The following FLI1 variants were observed in gnomAD, a reference collection of about 807,000 sequenced individuals.
The protein encoded by FLI1 is Fli-1 proto-oncogene, ETS transcription factor.
FLI1 carries 13 observed loss-of-function variants against 53.1 expected under a neutral mutation model. That is an observed-to-expected ratio of 0.24 (90% CI 0.16 to 0.39). FLI1 has a LOEUF of 0.39. Among genes scored for constraint, FLI1 ranks in the 10% least tolerant of loss-of-function variants. The probability of loss-of-function intolerance (pLI) is 1.00; values close to 1 mark genes in which losing one functional copy is unlikely to be tolerated. For missense variants in FLI1, 424 were observed against 600.5 expected (o/e 0.71, Z 3.07); for synonymous variants, 244 against 236.7 (o/e 1.03, Z -0.28).
rs375470006 is a variant in FLI1, at chr11:128,759,590, T to C, written c.230+1264T>C. Among the ~76,000 whole-genome samples the C allele has an allele frequency of 4.3e-4, 66 of 152,216 alleles. 2 individuals are homozygous for C. The South Asian group carries it at 0.014, about 31-fold the overall frequency. On this transcript the variant is annotated intron_variant, in intron 2 of 8. Coordinates refer to ENST00000527786, the MANE Select transcript of FLI1 (RefSeq NM_002017.5). ...ATTAACAGGGCTTAGGTGAGTAAAG[T>C]GTGAATGAAGGGGGTGCATGACAGG...
At chr11:128,761,009 C>G (rs1222239822) in intron 2 of FLI1, among the ~76,000 whole-genome samples, 1 of 152,190 alleles carries the variant, frequency 6.6e-6, no homozygotes, top group Admixed American at 6.5e-5. Context: ...CCATGCTTTC[C>G]TCGTTTGTAA....
rs75244226 is a variant in FLI1 at position 128,809,427 on chromosome 11, A to G, written c.829+223A>G. ...TGAGGATACTTCTAGGAATAAACAC[A>G]TCAGCACTGCACATGTGCACTTAGG... On this transcript the variant is annotated intron_variant, in intron 8 of 8. Coordinates refer to ENST00000527786, the MANE Select transcript of FLI1 (RefSeq NM_002017.5). Among the ~76,000 whole-genome samples the G allele has an allele frequency of 1.7e-3, 257 of 152,350 alleles. 7 individuals are homozygous for G. The East Asian group carries it at 0.047, about 28-fold the overall frequency.
In FLI1 at chr11:128,758,136, G is replaced by A. The variant is rs749847585; in HGVS notation, c.40G>A (p.Asp14Asn). Residue 14 changes from aspartate (D) to asparagine (N), a missense_variant, in exon 2 of 9, where the codon GAC becomes AAC. By Grantham distance (23) the Asp-to-Asn change is conservative (BLOSUM62 1). Around this residue, in one of 5 missense-constraint regions of FLI1, gnomAD observed 137 missense variants for 169.1 expected, o/e 0.81. Coordinates refer to ENST00000527786, the MANE Select transcript of FLI1 (RefSeq NM_002017.5). ...GCAGGAGGCTCTGTCGGTGGTGAGC[G>A]ACGACCAGTCCCTCTTTGACTCAGC... ...TIKEALSVVSDDQSLFDSAYG... is the reference protein window; with the variant it reads ...TIKEALSVVSNDQSLFDSAYG... 1.2e-5 allele frequency: 20 copies of A among 1,612,748 alleles called. No homozygotes were observed. The East Asian group carries it at 1.6e-4, about 13-fold the overall frequency.
chr11:128,712,177 C>T (rs879924165), intron 1 of FLI1, among the ~76,000 whole-genome samples: 24 of 152,272 alleles, frequency 1.6e-4, no homozygotes, highest in Admixed American at 1.1e-3. Flanking sequence ...TCAGTTAGCT[C>T]GCCTGAGATC....
Position 128,810,723 on chromosome 11 carries a change from T to C in FLI1, c.1094T>C (p.Ile365Thr), listed in dbSNP as rs745476175. Residue 365 changes from isoleucine (I) to threonine (T), a missense_variant, in exon 9 of 9, where the codon ATT becomes ACT. Transcript: ENST00000527786. The surrounding 1 kb of genome is among the most constrained non-coding windows in gnomAD (Gnocchi z 6.6). ...RYAYKFDFHG[I>T]AQALQPHPTE... is the part of the protein sequence containing the mutation. Reference sequence around the variant, plus strand: ...GCTTACAAATTTGACTTCCACGGCATTGCCCAGGCTCTGCAGCCACATCCG... The same window carrying C: ...GCTTACAAATTTGACTTCCACGGCACTGCCCAGGCTCTGCAGCCACATCCG... 1.2e-6 allele frequency: 2 copies of C among 1,614,058 alleles called. No individual in the cohort carries two copies. Among genetic ancestry groups the C allele is most frequent in the Non-Finnish European group, 1.7e-6 (2 of 1,179,890 alleles).
intron 1 of FLI1, among the ~76,000 whole-genome samples, chr11:128,721,273 C>G (rs545091853): frequency 4.1e-4 from 62 of 152,262 alleles, no homozygotes; most frequent in African/African-American, 1.4e-3. Flanking sequence ...TTCATTCCGC[C>G]AGCCTGTACT....
At chr11:128,762,031 G>T (rs1263743859) in intron 2 of FLI1, among the ~76,000 whole-genome samples, 1 of 152,078 alleles carries the variant, frequency 6.6e-6, no homozygotes, top group Non-Finnish European at 1.5e-5. Flanking sequence ...ATTCCCTAAG[G>T]GCTCACATGT....
At position 128,811,941 on chromosome 11, in the gene FLI1, A is replaced by G. The variant is rs970750331; in HGVS notation, c.*953A>G. 3.5e-5 allele frequency: 7 copies of G among 200,234 alleles called. No homozygotes were observed. The highest frequency in any genetic ancestry group is 1.2e-4 in the African/African-American group (5 of 43,432). The allele number at this position is 200,234 out of a possible 1,614,324, so 12.4% of individuals were successfully genotyped here. A position where few individuals can be genotyped will look rare whatever the true frequency, so the allele number is the denominator to read the frequency against. On this transcript the variant is annotated 3_prime_UTR_variant, in exon 9 of 9. Coordinates refer to ENST00000527786, the MANE Select transcript of FLI1 (RefSeq NM_002017.5). ...CCTCGGTCACAAAAGCAGTTTTACT[A>G]TCGAATCAATCGCTGTTATTTTTTT...
At chr11:128,758,379 C>A in intron 2 of FLI1, 53 bp downstream of exon 2, 1 of 1,492,150 alleles carries the variant, frequency 6.7e-7, no homozygotes, top group Non-Finnish European at 9.2e-7. Flanking sequence ...GTCGCCAGAT[C>A]TGCAGCAAGT....
chr11:128,806,331 C>T (rs1942782141), intron 6 of FLI1: 1 of 152,138 alleles, frequency 6.6e-6, no homozygotes, highest in African/African-American at 2.4e-5. Context: ...TCAAGGAAGG[C>T]TTTGTGGACC....
chr11:128,749,710 A>G (rs1940559518), intron 1 of FLI1, among the ~76,000 whole-genome samples: 1 of 152,250 alleles, frequency 6.6e-6, no homozygotes, highest in African/African-American at 2.4e-5. Flanking sequence ...CCTCATGCAA[A>G]GGAGTTTTCA....
chr11:128,764,796 G>A, intron 2 of FLI1: 1 of 1,594,122 alleles, frequency 6.3e-7, no homozygotes, highest in Non-Finnish European at 8.5e-7. Flanking sequence ...AAGAATGGAG[G>A]GAGGACTGGC....
intron 1 of FLI1, among the ~76,000 whole-genome samples, chr11:128,696,643 C>T (rs1278327636): frequency 6.6e-6 from 1 of 152,176 alleles, no homozygotes; most frequent in South Asian, 2.1e-4. Context: ...TGCACTAAAT[C>T]CAGCCCTACA....
At chr11:128,756,495 AG>A (rs1940864090) in intron 1 of FLI1, among the ~76,000 whole-genome samples, 1 of 152,172 alleles carries the variant, frequency 6.6e-6, no homozygotes, top group Non-Finnish European at 1.5e-5. Flanking sequence ...ACTGCGGGTA[AG>A]GGCTTCAGCA....
At chr11:128,808,568 T>C (rs1202940147) in intron 7 of FLI1, among the ~76,000 whole-genome samples, 1 of 152,246 alleles carries the variant, frequency 6.6e-6, no homozygotes, top group Admixed American at 6.5e-5. Context: ...CAGAGTGTTA[T>C]ACTAGAAGAA....
intron 1 of FLI1, 41 bp downstream of exon 1, chr11:128,694,317 C>CG: frequency 7.6e-7 from 1 of 1,311,174 alleles, no homozygotes; most frequent in South Asian, 2.4e-5. Context: ...GGGGACCGGC[C>CG]GGGGAGGCGA....
intron 1 of FLI1, among the ~76,000 whole-genome samples, chr11:128,734,271 G>A (rs558216356): frequency 3.8e-4 from 58 of 152,318 alleles, no homozygotes; most frequent in Middle Eastern, 3.4e-3. Context: ...AGGAGGCTGC[G>A]CTGTCCACGT....
At chr11:128,796,666 C>A (rs1188816422) in intron 5 of FLI1, among the ~76,000 whole-genome samples, 1 of 152,214 alleles carries the variant, frequency 6.6e-6, no homozygotes, top group Non-Finnish European at 1.5e-5. Context: ...TGCTCACCTG[C>A]CAGGCCACAA....
rs1004209459 is a variant in FLI1 at position 128,810,064 on chromosome 11, G to T, written c.830-395G>T. Among the ~76,000 whole-genome samples, 2 of 151,974 alleles carry T rather than the reference G, an allele frequency of 1.3e-5. No homozygotes were observed. Among genetic ancestry groups the T allele is most frequent in the Non-Finnish European group, 2.9e-5 (2 of 68,004 alleles). On this transcript the variant is annotated intron_variant, in intron 8 of 8. Transcript: ENST00000527786. This position sits in a 1 kb window ranked among gnomAD's most constrained non-coding sequence, Gnocchi z 6.6. ...ATTGCTGACAGGGAATTCCCTGGGG[G>T]ACATGACCACTAATTAGAGATCAGT...
Sources: allele counts gnomAD v4.1 joint callset (sites outside exome capture counted in the v4.1 genomes callset), GRCh38; gene constraint gnomAD v4.1.1; regional missense constraint gnomAD v4.1.1; non-coding constraint Gnocchi (gnomAD v3.1); transcripts MANE v1.5; gene names NCBI Gene and HGNC (gene_info 2026-07-23, HGNC 2026-07-21).